The following EML1 variants were observed in gnomAD, a reference collection of about 807,000 sequenced individuals.
The protein encoded by EML1 is EMAP like 1, also known as echinoderm microtubule-associated protein-like 1.
A neutral mutation model predicts 110.4 loss-of-function variants in EML1; 27 were observed. That is an observed-to-expected ratio of 0.24 (90% confidence interval 0.18 to 0.34). EML1 has a LOEUF of 0.34. Among genes scored for constraint, EML1 ranks in the 10% least tolerant of loss-of-function variants. The pLI is 1.00. For missense variants in EML1, 741 were observed against 1,030.9 expected, an observed-to-expected ratio of 0.72 and a Z score of 3.85; for synonymous variants, 344 against 385.8, an observed-to-expected ratio of 0.89 and a Z score of 1.27.
intron 1 of EML1, among the ~76,000 whole-genome samples, chr14:99,744,694 A>G (rs1211686343): frequency 6.6e-6 from 1 of 152,262 alleles, no homozygotes. Flanking sequence ...TTTTCAAAAC[A>G]TCGCTCCCTC....
intron 6 of EML1, among the ~76,000 whole-genome samples, chr14:99,896,056 G>A (rs1566924242): frequency 6.6e-6 from 1 of 152,018 alleles, no homozygotes; most frequent in Non-Finnish European, 1.5e-5. Context: ...TAAGAAAATA[G>A]AAACTGTGAA....
intron 17 of EML1, among the ~76,000 whole-genome samples, chr14:99,930,522 T>C (rs1045055049): frequency 6.6e-6 from 1 of 152,232 alleles, no homozygotes; most frequent in Non-Finnish European, 1.5e-5. Flanking sequence ...CAACTGTCAT[T>C]TATGGACTAT....
chr14:99,850,960 C>G lies in EML1; in HGVS notation c.175C>G (p.Leu59Val), dbSNP rs755662067. The stretch of plus-strand genomic sequence containing the variant: ...CGACATCCAGCTGCTCAAATCAGCT[C>G]TAGCTGATGTGGTTCGGCGGCTGAA... ...EDDIQLLKSA[L>V]ADVVRRLNIT... Residue 59 changes from leucine (L) to valine (V), a missense_variant, in exon 2 of 22, where the codon CTA (leucine) becomes GTA (valine). Physicochemically the swap from Leu to Val is conservative, Grantham distance 32. Around this residue, in one of 4 missense-constraint regions of EML1, gnomAD observed 226 missense variants for 255.6 expected, o/e 0.88. Transcript: ENST00000262233. 12 of 1,614,056 alleles carry G rather than the reference C, an allele frequency of 7.4e-6. No homozygotes were observed. The Admixed American group carries it at 1.7e-4, about 22-fold the overall frequency.
intron 6 of EML1, among the ~76,000 whole-genome samples, chr14:99,896,225 A>C (rs2059668967): frequency 6.6e-6 from 1 of 152,238 alleles, no homozygotes; most frequent in South Asian, 2.1e-4. Context: ...CCTGGAACAC[A>C]AATTATAAGA....
chr14:99,810,005 C>T (rs921029303), intron 1 of EML1, among the ~76,000 whole-genome samples: 4 of 152,174 alleles, frequency 2.6e-5, no homozygotes, highest in Admixed American at 6.5e-5. Context: ...GGCCCTGTAC[C>T]GCGTCTGGTT....
chr14:99,850,325 G>T (rs1003845298), intron 1 of EML1: 56 of 1,288,928 alleles, frequency 4.3e-5, no homozygotes, highest in Middle Eastern at 2.1e-4. Context: ...TGGAAATTAT[G>T]ATTCTGAGTA....
intron 1 of EML1, among the ~76,000 whole-genome samples, chr14:99,752,857 GT>G (rs967265936): frequency 1.3e-5 from 2 of 151,328 alleles, no homozygotes; most frequent in Non-Finnish European, 3.0e-5. Context: ...TAAACAGCAG[GT>G]TTTTTTTTAA....
chr14:99,741,742 C>T (rs972425464), intron 1 of EML1, among the ~76,000 whole-genome samples: 2 of 152,044 alleles, frequency 1.3e-5, no homozygotes, highest in Non-Finnish European at 2.9e-5. Context: ...GAAGGCCTCG[C>T]CCCCCAATTT....
In EML1 at chr14:99,911,404, T is replaced by C. The variant is rs1014189224; in HGVS notation, c.1340-18T>C. On this transcript the variant is annotated intron_variant, in intron 12 of 21. Coordinates refer to ENST00000262233, the MANE Select transcript of EML1 (RefSeq NM_004434.3). ...CCTTTTGACAATGTGCTAATGATGG[T>C]TTTCTTGGTGTGTTTAGGTACAAAT... 2.6e-6 allele frequency: 4 copies of C among 1,563,774 alleles called. No individual in the cohort carries two copies. The highest frequency in any genetic ancestry group is 3.4e-6 in the Non-Finnish European group (4 of 1,163,112).
At chr14:99,885,744 G>T (rs1291900410) in intron 4 of EML1, 3 of 350,136 alleles carry the variant, frequency 8.6e-6, no homozygotes, top group African/African-American at 2.1e-5. Flanking sequence ...AAATACAAAG[G>T]TTTTTGCAGT....
chr14:99,808,119 C>G (rs7150804), intron 1 of EML1, among the ~76,000 whole-genome samples: 106,940 of 152,026 alleles, frequency 0.7, 37,888 homozygotes, highest in East Asian at 0.91. Flanking sequence ...GATACATACC[C>G]CTCTGATCAC....
At chr14:99,799,553 A>G (rs2057836395) in intron 1 of EML1, among the ~76,000 whole-genome samples, 1 of 152,256 alleles carries the variant, frequency 6.6e-6, no homozygotes, top group Non-Finnish European at 1.5e-5. Flanking sequence ...GAAAAGTGCA[A>G]AGCAAAAGCA....
intron 3 of EML1, among the ~76,000 whole-genome samples, chr14:99,873,497 A>G (rs1213207948): frequency 1.3e-5 from 2 of 152,240 alleles, no homozygotes; most frequent in Non-Finnish European, 2.9e-5. Flanking sequence ...ATTGAAACGT[A>G]GGTGATAAAT....
intron 1 of EML1, among the ~76,000 whole-genome samples, chr14:99,739,117 A>AGTGTGTGT (rs1447642844): frequency 2.8e-4 from 18 of 64,104 alleles, no homozygotes; most frequent in African/African-American, 7.1e-4. Flanking sequence ...AGAGAGAGAG[A>AGTGTGTGT]GAGTGTGTGT....
intron 9 of EML1, 152 bp downstream of exon 9, chr14:99,901,191 CAGTCAG>C (rs1595456207): frequency 9.1e-6 from 6 of 657,142 alleles, no homozygotes; most frequent in Non-Finnish European, 1.6e-5. Context: ...CAGAACCCCT[CAGTCAG>C]AGGTCATATG....
intron 3 of EML1, among the ~76,000 whole-genome samples, chr14:99,875,537 CA>C (rs2059276626): frequency 6.6e-6 from 1 of 152,110 alleles, no homozygotes; most frequent in African/African-American, 2.4e-5. Context: ...TGTGGTTTTT[CA>C]GCTCTTTAAG....
chr14:99,737,992 C>G (rs1595219588), intron 1 of EML1: 2 of 938,618 alleles, frequency 2.1e-6, no homozygotes, highest in East Asian at 1.3e-4. Flanking sequence ...TTGCCCGACG[C>G]CTGGGGGGCC....
intron 1 of EML1, among the ~76,000 whole-genome samples, chr14:99,816,290 A>G (rs1420585595): frequency 6.6e-6 from 1 of 152,172 alleles, no homozygotes; most frequent in Non-Finnish European, 1.5e-5. Flanking sequence ...CAGCCTCCTG[A>G]GTAGCTGGGA....
At chr14:99,826,162 G>C (rs570358535) in intron 1 of EML1, among the ~76,000 whole-genome samples, 2 of 143,942 alleles carry the variant, frequency 1.4e-5, no homozygotes, top group African/African-American at 2.6e-5. Flanking sequence ...ACCCAGGCTG[G>C]AGTGCAGTGG....
Sources: gnomAD v4.1 joint callset for allele counts (sites outside exome capture counted in the v4.1 genomes callset) on GRCh38, gnomAD v4.1.1 for gene constraint, gnomAD v4.1.1 regional missense constraint, MANE v1.5 for transcripts, NCBI Gene and HGNC (gene_info 2026-07-23, HGNC 2026-07-21) for gene names.